The following LRRC72 variants were observed in gnomAD, a reference collection of about 807,000 sequenced individuals.
LRRC72 encodes leucine rich repeat containing 72.
LRRC72 carries 41 observed loss-of-function variants against 35.8 expected under a neutral mutation model. That is an observed-to-expected ratio of 1.15 (90% CI 0.89 to 1.49). The LOEUF is 1.49. Among genes scored for constraint, LRRC72 ranks in the 40% most tolerant of loss-of-function variants. LRRC72 has a pLI of 0.00. For synonymous variants in LRRC72, 118 were observed against 119.2 expected (o/e 0.99, Z 0.07); for missense variants, 389 against 330.7 (o/e 1.18, Z -1.37).
chr7:16,556,880 C>T (rs746725493), intron 3 of LRRC72, among the ~76,000 whole-genome samples: 3 of 152,108 alleles, frequency 2.0e-5, no homozygotes, highest in Admixed American at 6.6e-5. Context: ...AAAATAATTT[C>T]GAGTGTACCA....
rs189929064 is a variant in LRRC72 at position 16,573,994 on chromosome 7, T to A, written c.671-6080T>A. Among the ~76,000 whole-genome samples, 6 of 152,266 alleles carry A rather than the reference T, an allele frequency of 3.9e-5. No homozygotes were observed. In the East Asian group the frequency reaches 1.2e-3, roughly 29 times the overall value. On this transcript the variant is annotated intron_variant, in intron 7 of 8. Coordinates refer to ENST00000401542, the MANE Select transcript of LRRC72 (RefSeq NM_001195280.2). ...CTCATCAAAAAGTGAGTGAAGCATA[T>A]GAACAGGCACTTCTCAAAAGAAAAC... is the stretch of plus-strand genomic sequence containing the variant.
chr7:16,543,067 T>C (rs1190581386), intron 3 of LRRC72, among the ~76,000 whole-genome samples: 2 of 152,230 alleles, frequency 1.3e-5, no homozygotes, highest in Non-Finnish European at 2.9e-5. Flanking sequence ...TAAGTGTTCA[T>C]ACTCCATCAA....
At chr7:16,554,396 C>A (rs887073567) in intron 3 of LRRC72, among the ~76,000 whole-genome samples, 3 of 152,110 alleles carry the variant, frequency 2.0e-5, no homozygotes, top group Admixed American at 6.6e-5. Flanking sequence ...AATAGCATAT[C>A]TTATAATGTT....
In LRRC72 at chr7:16,556,677, T is replaced by C. The variant is rs113628328; in HGVS notation, c.235-683T>C. On this transcript the variant is annotated intron_variant, in intron 3 of 8. Coordinates refer to ENST00000401542, the MANE Select transcript of LRRC72 (RefSeq NM_001195280.2). Reference sequence around the variant, plus strand: ...GGCCATAAAGAAAGAGTCCAGGAAATCTGACTCAAAGTGCTGAAGCAGGTA... The same window carrying C: ...GGCCATAAAGAAAGAGTCCAGGAAACCTGACTCAAAGTGCTGAAGCAGGTA... Among the ~76,000 whole-genome samples the C allele has an allele frequency of 1.5e-3, 224 of 152,236 alleles. 1 individual carries two copies. Among genetic ancestry groups the C allele is most frequent in the African/African-American group, 5.1e-3 (212 of 41,522 alleles).
At chr7:16,561,001 G>A (rs1782735667) in intron 5 of LRRC72, among the ~76,000 whole-genome samples, 1 of 152,160 alleles carries the variant, frequency 6.6e-6, no homozygotes, top group African/African-American at 2.4e-5. Flanking sequence ...AAAGCTCAGA[G>A]ATTTAACCAA....
intron 3 of LRRC72, among the ~76,000 whole-genome samples, chr7:16,550,063 T>A (rs1248626231): frequency 2.0e-5 from 3 of 151,888 alleles, no homozygotes; most frequent in Non-Finnish European, 4.4e-5. Context: ...TATGAAAATT[T>A]TTTAAATTAG....
intron 7 of LRRC72, among the ~76,000 whole-genome samples, chr7:16,576,847 C>A (rs1276910827): frequency 2.0e-5 from 3 of 152,118 alleles, no homozygotes; most frequent in Admixed American, 2.0e-4. Context: ...GTCACAGAGC[C>A]TGGGCCTGGC....
intron 3 of LRRC72, among the ~76,000 whole-genome samples, chr7:16,551,393 C>A (rs1281206219): frequency 6.6e-6 from 1 of 152,194 alleles, no homozygotes; most frequent in African/African-American, 2.4e-5. Flanking sequence ...TGATAAGCAT[C>A]TTTTAGTATG....
rs200488225 is a variant in LRRC72 at position 16,565,945 on chromosome 7, A to AT, written c.428-367dup. Among the ~76,000 whole-genome samples the AT allele has an allele frequency of 6.9e-3, 1,044 of 152,342 alleles. 29 individuals are homozygous for AT. Among genetic ancestry groups the AT allele is most frequent in the Admixed American group, 0.052 (801 of 15,298 alleles). Reference sequence around the variant, plus strand: ...AAGAAGAGTACCAAGTGATATTTTAATAAAAAGTAGCCTCAAGACTCCAAT... The same window carrying AT: ...AAGAAGAGTACCAAGTGATATTTTAATTAAAAAGTAGCCTCAAGACTCCAAT... On this transcript the variant is annotated intron_variant, in intron 5 of 8. Coordinates refer to ENST00000401542, the MANE Select transcript of LRRC72 (RefSeq NM_001195280.2).
At chr7:16,544,232 T>A (rs78253388) in intron 3 of LRRC72, among the ~76,000 whole-genome samples, 3,991 of 152,236 alleles carry the variant, frequency 0.026, 70 homozygotes, top group Non-Finnish European at 0.041. Context: ...CAAATCATTA[T>A]CTAGTGGGTG....
intron 2 of LRRC72, among the ~76,000 whole-genome samples, chr7:16,533,678 A>G (rs1782206079): frequency 6.6e-6 from 1 of 152,106 alleles, no homozygotes; most frequent in Non-Finnish European, 1.5e-5. Context: ...ATAAATAAAT[A>G]TGTTTATCAG....
intron 8 of LRRC72, among the ~76,000 whole-genome samples, chr7:16,581,049 T>C (rs1295964491): frequency 1.3e-5 from 2 of 152,276 alleles, no homozygotes; most frequent in South Asian, 2.1e-4. Flanking sequence ...TTTTAAAACA[T>C]GACTGCATGA....
chr7:16,561,533 C>A (rs530618472), intron 5 of LRRC72, among the ~76,000 whole-genome samples: 1 of 152,210 alleles, frequency 6.6e-6, no homozygotes. Context: ...TTTTTAAATA[C>A]CAGCCTGGTA....
chr7:16,537,836 A>G (rs935919140), intron 3 of LRRC72, 140 bp downstream of exon 3: 3 of 556,220 alleles, frequency 5.4e-6, no homozygotes, highest in Non-Finnish European at 6.4e-6. Flanking sequence ...TAAAACATAT[A>G]TATCTGGTAC....
chr7:16,563,138 T>C (rs183401052), intron 5 of LRRC72, among the ~76,000 whole-genome samples: 20 of 152,318 alleles, frequency 1.3e-4, no homozygotes, highest in Admixed American at 1.2e-3. Flanking sequence ...TATATTAAAA[T>C]TGGGATGTTG....
chr7:16,533,881 T>A (rs1232192117), intron 2 of LRRC72, among the ~76,000 whole-genome samples: 1 of 152,122 alleles, frequency 6.6e-6, no homozygotes, highest in Non-Finnish European at 1.5e-5. Context: ...TAACAGTAAA[T>A]ATTTCATGTG....
chr7:16,558,996 C>A lies in LRRC72; in HGVS notation c.424C>A (p.Leu142Ile). The A allele has an allele frequency of 1.3e-6, 2 of 1,524,558 alleles. No homozygotes were observed. The highest frequency in any genetic ancestry group is 1.2e-5 in the South Asian group (1 of 80,676). 94.4% of individuals were successfully genotyped at this position (1,524,558 alleles called of 1,614,324 possible). ...ELKGMLNLKI[L>I]SLYQNPLCQY... ...AAAGGGAATGCTAAATCTGAAGATC[C>A]TAAGTAACAATTTGCAATTTTATAT... The change falls in exon 5 of 9, where the codon CTA (leucine) becomes ATA (isoleucine). Residue 142 changes from leucine to isoleucine, a missense_variant. Coordinates refer to ENST00000401542, the MANE Select transcript of LRRC72 (RefSeq NM_001195280.2).
At chr7:16,551,979 C>A (rs76337665) in intron 3 of LRRC72, among the ~76,000 whole-genome samples, 2 of 152,064 alleles carry the variant, frequency 1.3e-5, no homozygotes, top group African/African-American at 4.8e-5. Context: ...AGATCTGATG[C>A]GATTTCCAGG....
chr7:16,567,344 G>T, intron 6 of LRRC72, 47 bp from the exon 7 acceptor site: 3 of 1,227,886 alleles, frequency 2.4e-6, no homozygotes, highest in Non-Finnish European at 3.2e-6. Context: ...GAATCACTCC[G>T]CCTATTTATA....
Sources: allele counts gnomAD v4.1 joint callset (sites outside exome capture counted in the v4.1 genomes callset), GRCh38; gene constraint gnomAD v4.1.1; transcripts MANE v1.5; gene names NCBI Gene and HGNC (gene_info 2026-07-23, HGNC 2026-07-21).